CPA6: variants seen among roughly 807,000 people sequenced by gnomAD.
The protein encoded by CPA6 is carboxypeptidase B.
A neutral mutation model predicts 63.3 loss-of-function variants in CPA6; 58 were observed. The observed-to-expected ratio is 0.92, with a 90% CI of 0.74 to 1.14. The LOEUF (loss-of-function observed/expected upper bound fraction) is 1.14. CPA6 is among the 50% of genes most tolerant of loss of function. The probability of loss-of-function intolerance (pLI) is 0.00; values close to 1 mark genes in which losing one functional copy is unlikely to be tolerated. For missense variants in CPA6, 565 were observed against 526.6 expected (o/e 1.07, Z -0.71); for synonymous variants, 185 against 179.0 (o/e 1.03, Z -0.27).
chr8:67,537,833 A>T (rs1346418124), intron 2 of CPA6, among the ~76,000 whole-genome samples: 3 of 152,178 alleles, frequency 2.0e-5, no homozygotes. Context: ...AGTGTTATAA[A>T]TTTCCCTCTA....
chr8:67,577,925 G>A (rs549682249), intron 2 of CPA6, among the ~76,000 whole-genome samples: 1 of 152,272 alleles, frequency 6.6e-6, no homozygotes, highest in East Asian at 1.9e-4. Flanking sequence ...ACTCACCTGA[G>A]ATGATAAAAT....
At chr8:67,681,204 T>C (rs865921859) in intron 1 of CPA6, among the ~76,000 whole-genome samples, 6 of 106,184 alleles carry the variant, frequency 5.7e-5, no homozygotes, top group East Asian at 2.3e-4. Flanking sequence ...GATTTTCTTT[T>C]TTTTTTTTTT....
chr8:67,434,888 G>A (rs1810113705), intron 8 of CPA6, among the ~76,000 whole-genome samples: 1 of 152,238 alleles, frequency 6.6e-6, no homozygotes, highest in Non-Finnish European at 1.5e-5. Context: ...GACCCCCCAA[G>A]TGGAGGGAAC....
At chr8:67,607,455 A>G (rs568854978) in intron 2 of CPA6, among the ~76,000 whole-genome samples, 3 of 151,722 alleles carry the variant, frequency 2.0e-5, no homozygotes, top group African/African-American at 7.3e-5. Flanking sequence ...TTTGCTTGAA[A>G]CCATCTTTAG....
chr8:67,531,184 A>G (rs957905282), intron 2 of CPA6, among the ~76,000 whole-genome samples: 3 of 152,190 alleles, frequency 2.0e-5, no homozygotes, highest in Non-Finnish European at 2.9e-5. Flanking sequence ...AGACAATTAT[A>G]TTATCAACAG....
At chr8:67,549,653 A>G (rs11984703) in intron 2 of CPA6, among the ~76,000 whole-genome samples, 12,605 of 152,160 alleles carry the variant, frequency 0.083, 1,440 homozygotes, top group African/African-American at 0.26. Context: ...CCATCTCTCC[A>G]GCCCCTGGAA....
At chr8:67,459,775 G>T (rs561081203) in intron 8 of CPA6, among the ~76,000 whole-genome samples, 2 of 152,336 alleles carry the variant, frequency 1.3e-5, no homozygotes, top group East Asian at 1.9e-4. Context: ...TCAGTGTAAT[G>T]CAGTCCAATT....
intron 10 of CPA6, among the ~76,000 whole-genome samples, chr8:67,424,745 G>GTA (rs1809847093): frequency 6.6e-6 from 1 of 152,146 alleles, no homozygotes; most frequent in Non-Finnish European, 1.5e-5. Flanking sequence ...CTCTACCCGT[G>GTA]TATTAAACCT....
chr8:67,589,147 T>C (rs1347404948), intron 2 of CPA6, among the ~76,000 whole-genome samples: 3 of 151,782 alleles, frequency 2.0e-5, no homozygotes, highest in Admixed American at 6.6e-5. Context: ...TGAGATGCCA[T>C]AATTATTGAG....
chr8:67,630,783 C>G (rs979169487), intron 1 of CPA6, among the ~76,000 whole-genome samples: 1 of 152,190 alleles, frequency 6.6e-6, no homozygotes, highest in Non-Finnish European at 1.5e-5. Flanking sequence ...GTGTGAGTTC[C>G]GGGTGGCCGC....
intron 1 of CPA6, among the ~76,000 whole-genome samples, chr8:67,678,734 C>T (rs905296381): frequency 2.0e-5 from 3 of 152,196 alleles, no homozygotes; most frequent in African/African-American, 7.2e-5. Flanking sequence ...TACCCGATGA[C>T]TCAGCAATTC....
chr8:67,443,235 T>C (rs1340251196), intron 8 of CPA6, among the ~76,000 whole-genome samples: 1 of 152,052 alleles, frequency 6.6e-6, no homozygotes, highest in Non-Finnish European at 1.5e-5. Flanking sequence ...TAATTTTGTA[T>C]TTTTAGTAGA....
chr8:67,482,782 G>A (rs1450770706), intron 8 of CPA6, among the ~76,000 whole-genome samples: 6 of 152,214 alleles, frequency 3.9e-5, no homozygotes. Context: ...AAATTACTGA[G>A]CTAGTAATGG....
intron 2 of CPA6, among the ~76,000 whole-genome samples, chr8:67,534,723 T>TA (rs1812548608): frequency 6.6e-6 from 1 of 152,016 alleles, no homozygotes; most frequent in Non-Finnish European, 1.5e-5. Flanking sequence ...TCTTTTTTTT[T>TA]TAAAAAATTA....
Position 67,536,603 on chromosome 8 carries a change from C to A in CPA6, c.193-18556G>T, listed in dbSNP as rs566947003. On this transcript the variant is annotated intron_variant, in intron 2 of 10. Coordinates refer to ENST00000297770, the MANE Select transcript of CPA6 (RefSeq NM_020361.5). ...AGCTTAAGGAGTTTTTGGGCTGAGA[C>A]GATGGGATTTTCTAAATATGCAATC... is the stretch of plus-strand genomic sequence containing the variant. Among the ~76,000 whole-genome samples the A allele has an allele frequency of 3.3e-5, 5 of 152,228 alleles. No homozygotes were observed. In the East Asian group the frequency reaches 9.6e-4, roughly 29 times the overall value.
intron 2 of CPA6, among the ~76,000 whole-genome samples, chr8:67,617,281 T>G (rs1210657075): frequency 1.3e-5 from 2 of 152,212 alleles, no homozygotes; most frequent in Admixed American, 1.3e-4. Flanking sequence ...TAATATGTAT[T>G]TGTTATTGAG....
intron 2 of CPA6, among the ~76,000 whole-genome samples, chr8:67,602,874 G>C (rs1814532088): frequency 1.3e-5 from 2 of 152,102 alleles, no homozygotes; most frequent in South Asian, 2.1e-4. Context: ...GGAGCTGTGA[G>C]AATTAAATGA....
intron 2 of CPA6, among the ~76,000 whole-genome samples, chr8:67,596,075 A>G (rs1279534114): frequency 6.6e-6 from 1 of 152,022 alleles, no homozygotes; most frequent in Non-Finnish European, 1.5e-5. Flanking sequence ...GTTATCATCT[A>G]CCCTTTGATG....
intron 4 of CPA6, among the ~76,000 whole-genome samples, chr8:67,510,590 T>C (rs1329815792): frequency 6.6e-6 from 1 of 152,184 alleles, no homozygotes; most frequent in East Asian, 1.9e-4. Flanking sequence ...GTGGAGATAA[T>C]TTTGAAAGGA....
Sources: gnomAD v4.1 joint callset for allele counts (sites outside exome capture counted in the v4.1 genomes callset) on GRCh38, gnomAD v4.1.1 for gene constraint, MANE v1.5 for transcripts, NCBI Gene and HGNC (gene_info 2026-07-23, HGNC 2026-07-21) for gene names.